PAPPA2: variants seen among roughly 807,000 people sequenced by gnomAD.
PAPPA2 encodes the protein pappalysin-2.
PAPPA2 carries 86 observed loss-of-function variants against 176.4 expected under a neutral mutation model. That is an observed-to-expected ratio of 0.49 (90% CI 0.41 to 0.58). The LOEUF is 0.58. Ranked by LOEUF, PAPPA2 falls within the 20% of genes least tolerant of loss-of-function variation. The pLI, the probability that PAPPA2 is intolerant of heterozygous loss-of-function variation, is 0.00. For synonymous variants in PAPPA2, 809 were observed against 852.2 expected (o/e 0.95, Z 0.88); for missense variants, 2,073 against 2,256.9 (o/e 0.92, Z 1.65).
intron 3 of PAPPA2, among the ~76,000 whole-genome samples, chr1:176,605,243 T>C (rs1654542696): frequency 6.6e-6 from 1 of 152,202 alleles, no homozygotes; most frequent in South Asian, 2.1e-4. Context: ...AAAAAAGGAA[T>C]ACAAGACCTC....
chr1:176,517,048 AACCTAC>A (rs1446489589), intron 1 of PAPPA2, among the ~76,000 whole-genome samples: 1 of 152,246 alleles, frequency 6.6e-6, no homozygotes, highest in Non-Finnish European at 1.5e-5. Flanking sequence ...TGACCAATTT[AACCTAC>A]AATTCCTATC....
chr1:176,476,226 T>C (rs983573755), intron 1 of PAPPA2, among the ~76,000 whole-genome samples: 5 of 152,184 alleles, frequency 3.3e-5, no homozygotes. Context: ...TCCTTAGTGA[T>C]GTAAAATGTG....
intron 1 of PAPPA2, among the ~76,000 whole-genome samples, chr1:176,549,196 A>G (rs1650803502): frequency 6.6e-6 from 1 of 152,234 alleles, no homozygotes; most frequent in South Asian, 2.1e-4. Flanking sequence ...CTTTTTCCAT[A>G]TAATAGCAAA....
In PAPPA2 at chr1:176,463,346, GA is replaced by G. The variant is rs1368069815; in HGVS notation, c.-988del. ...GATTGAGGTCCTACGGGTGTTTGGG[GA>G]CCTCCCCAAGCCCACGAGTATCAAT... On this transcript the variant is annotated 5_prime_UTR_variant, in exon 1 of 23. Coordinates refer to ENST00000367662, the MANE Select transcript of PAPPA2 (RefSeq NM_020318.3). 6.6e-6 allele frequency: 1 copy of G among 152,212 alleles called. No homozygotes were observed. The highest frequency in any genetic ancestry group is 2.4e-5 in the African/African-American group (1 of 41,444). 9.4% of individuals were successfully genotyped at this position (152,212 alleles called of 1,614,324 possible). A position where few individuals can be genotyped will look rare whatever the true frequency, so the allele number is the denominator to read the frequency against.
At chr1:176,807,071 G>T (rs367793593) in intron 21 of PAPPA2, among the ~76,000 whole-genome samples, 11 of 152,166 alleles carry the variant, frequency 7.2e-5, no homozygotes, top group African/African-American at 1.9e-4. Flanking sequence ...AGATAGGATG[G>T]ATATGAGAGT....
At chr1:176,745,727 C>A (rs373467409) in intron 14 of PAPPA2, among the ~76,000 whole-genome samples, 1 of 152,198 alleles carries the variant, frequency 6.6e-6, no homozygotes, top group African/African-American at 2.4e-5. Context: ...GGCTCCCAAC[C>A]CAAAGCTGAG....
intron 14 of PAPPA2, among the ~76,000 whole-genome samples, chr1:176,745,227 G>C (rs891779471): frequency 6.6e-6 from 1 of 152,164 alleles, no homozygotes; most frequent in Non-Finnish European, 1.5e-5. Flanking sequence ...CAATGCAGGA[G>C]GAGGGGTTTT....
intron 3 of PAPPA2, among the ~76,000 whole-genome samples, chr1:176,621,902 G>A (rs1655622007): frequency 6.6e-6 from 1 of 152,120 alleles, no homozygotes; most frequent in African/African-American, 2.4e-5. Context: ...TTATTTGACA[G>A]CACCTTTATG....
chr1:176,834,564 C>T (rs1308881103), intron 21 of PAPPA2, among the ~76,000 whole-genome samples: 1 of 152,196 alleles, frequency 6.6e-6, no homozygotes, highest in Non-Finnish European at 1.5e-5. Flanking sequence ...GTTGCTTCCT[C>T]CTGGGGATAT....
chr1:176,695,597 A>G lies in PAPPA2; in HGVS notation c.2625-141A>G, dbSNP rs191659731. ...CCACACAAGAAAAAACGATTGAGAT[A>G]CAGTTGTTCTTAGTTACTCTCTAGG... On this transcript the variant is annotated intron_variant, in intron 6 of 22. Coordinates refer to ENST00000367662, the MANE Select transcript of PAPPA2 (RefSeq NM_020318.3). The G allele has an allele frequency of 9.8e-6, 9 of 918,034 alleles. No individual in the cohort carries two copies. In the African/African-American group the frequency reaches 1.5e-4, roughly 15 times the overall value. 56.9% of individuals were successfully genotyped at this position (918,034 alleles called of 1,614,324 possible). A position where few individuals can be genotyped will look rare whatever the true frequency, so the allele number is the denominator to read the frequency against.
At chr1:176,496,714 C>A (rs868413788) in intron 1 of PAPPA2, among the ~76,000 whole-genome samples, 1 of 151,972 alleles carries the variant, frequency 6.6e-6, no homozygotes, top group African/African-American at 2.4e-5. Flanking sequence ...AGGAAGAGGT[C>A]GAATTTGACT....
chr1:176,711,640 C>A (rs1235248733), intron 11 of PAPPA2, among the ~76,000 whole-genome samples, 195 bp from the exon 12 acceptor site: 1 of 152,074 alleles, frequency 6.6e-6, no homozygotes, highest in Non-Finnish European at 1.5e-5. Flanking sequence ...TGTTTTCTAC[C>A]CTTGTAAGTT....
chr1:176,638,368 A>AG (rs1376459536), intron 3 of PAPPA2, among the ~76,000 whole-genome samples: 3 of 152,024 alleles, frequency 2.0e-5, no homozygotes, highest in Non-Finnish European at 4.4e-5. Flanking sequence ...AGAAAAAAAA[A>AG]CTGAGTGGCA....
Position 176,770,986 on chromosome 1 carries a change from A to G in PAPPA2, c.4521A>G (p.Thr1507=). 6.2e-7 allele frequency: 1 copy of G among 1,614,098 alleles called. No homozygotes were observed. The highest frequency in any genetic ancestry group is 8.5e-7 in the Non-Finnish European group (1 of 1,180,018). ...AGTCAGGACTGAGCCCATGGCTGACATGTCTTGAAGATGGTCTCTGGTCTC... is the reference window on the plus strand; with the variant it reads ...AGTCAGGACTGAGCCCATGGCTGACGTGTCTTGAAGATGGTCTCTGGTCTC... ...AKLQGLSPWL[T]CLEDGLWSLP... The change falls in exon 17 of 23, where the codon ACA becomes ACG. Residue 1507 remains threonine (T), a synonymous_variant. Coordinates refer to ENST00000367662, the MANE Select transcript of PAPPA2 (RefSeq NM_020318.3).
At chr1:176,512,989 C>T (rs1056176811) in intron 1 of PAPPA2, among the ~76,000 whole-genome samples, 1 of 152,126 alleles carries the variant, frequency 6.6e-6, no homozygotes, top group Non-Finnish European at 1.5e-5. Flanking sequence ...TAGCCTGATC[C>T]TTCTGCAAAC....
chr1:176,662,572 T>A (rs1269343179), intron 3 of PAPPA2, among the ~76,000 whole-genome samples: 1 of 152,076 alleles, frequency 6.6e-6, no homozygotes, highest in East Asian at 1.9e-4. Context: ...AAGCCTTTTT[T>A]TTTTTACTCT....
intron 21 of PAPPA2, among the ~76,000 whole-genome samples, chr1:176,809,647 T>C (rs903779395): frequency 1.3e-5 from 2 of 152,136 alleles, no homozygotes; most frequent in African/African-American, 4.8e-5. Context: ...AATAAGGGCA[T>C]AAAAATTGAG....
chr1:176,583,655 T>G (rs1198783398), intron 2 of PAPPA2, among the ~76,000 whole-genome samples: 1 of 152,214 alleles, frequency 6.6e-6, no homozygotes, highest in Non-Finnish European at 1.5e-5. Flanking sequence ...CCTAGATTAG[T>G]CTTAAACTCC....
chr1:176,620,487 T>A (rs1655522940), intron 3 of PAPPA2, among the ~76,000 whole-genome samples: 1 of 152,214 alleles, frequency 6.6e-6, no homozygotes, highest in Non-Finnish European at 1.5e-5. Context: ...ATTTCTTCTA[T>A]AATTATATAC....
Sources: allele counts gnomAD v4.1 joint callset (sites outside exome capture counted in the v4.1 genomes callset), GRCh38; gene constraint gnomAD v4.1.1; transcripts MANE v1.5; gene names NCBI Gene and HGNC (gene_info 2026-07-23, HGNC 2026-07-21).